Variants in SLC9A9 observed in about 807,000 individuals in gnomAD.
The protein encoded by SLC9A9 is sodium/hydrogen exchanger 9.
In SLC9A9, 62 loss-of-function variants were observed where a neutral mutation model predicts 77.8. The observed-to-expected ratio is 0.80, with a 90% CI of 0.65 to 0.98. SLC9A9 has a LOEUF of 0.98. SLC9A9 is among the 50% of genes least tolerant of loss of function. The pLI is 0.00. For synonymous variants in SLC9A9, 320 were observed against 283.5 expected, an observed-to-expected ratio of 1.13 and a Z score of -1.29; for missense variants, 775 against 774.9, an observed-to-expected ratio of 1.00 and a Z score of 0.00.
intron 12 of SLC9A9, among the ~76,000 whole-genome samples, chr3:143,446,923 CAT>C (rs1475727871): frequency 2.6e-5 from 4 of 151,176 alleles, no homozygotes; most frequent in Admixed American, 6.6e-5. Flanking sequence ...TGCACACAAT[CAT>C]ATGTGTATGT....
At chr3:143,340,433 C>A (rs954230038) in intron 14 of SLC9A9, among the ~76,000 whole-genome samples, 6 of 152,164 alleles carry the variant, frequency 3.9e-5, no homozygotes, top group African/African-American at 1.4e-4. Context: ...CTGCTTTGTG[C>A]CAGGCACAGT....
At chr3:143,316,327 C>T (rs2031212360) in intron 14 of SLC9A9, among the ~76,000 whole-genome samples, 2 of 152,182 alleles carry the variant, frequency 1.3e-5, no homozygotes, top group Admixed American at 6.5e-5. Flanking sequence ...ACGGCATAAT[C>T]TCTGCCCTCA....
chr3:143,766,766 G>A (rs2007332906), intron 4 of SLC9A9, among the ~76,000 whole-genome samples: 1 of 152,066 alleles, frequency 6.6e-6, no homozygotes, highest in Non-Finnish European at 1.5e-5. Context: ...TAGAGACGGG[G>A]TTTCCCTATG....
At chr3:143,767,277 A>G (rs756200167) in intron 4 of SLC9A9, among the ~76,000 whole-genome samples, 6 of 152,064 alleles carry the variant, frequency 3.9e-5, no homozygotes, top group Non-Finnish European at 7.4e-5. Context: ...TGAATTTCCC[A>G]TACTGAGTAA....
At chr3:143,317,981 C>T (rs2031282753) in intron 14 of SLC9A9, among the ~76,000 whole-genome samples, 1 of 152,188 alleles carries the variant, frequency 6.6e-6, no homozygotes, top group Non-Finnish European at 1.5e-5. Flanking sequence ...CCCACCTTGG[C>T]CTCCCAAAGT....
In SLC9A9 at chr3:143,592,087, A is replaced by G. The variant is rs563783755; in HGVS notation, c.756-13364T>C. Among the ~76,000 whole-genome samples, 5 of 152,362 alleles carry G rather than the reference A, an allele frequency of 3.3e-5. No homozygotes were observed. The East Asian group carries it at 9.6e-4, about 29-fold the overall frequency. On this transcript the variant is annotated intron_variant, in intron 6 of 15. Transcript: ENST00000316549. ...TTCTCTATGTGGTCCATGACCCCCCAAAAGGTTAAAAACCACTGAAGTAGT... is the reference window on the plus strand; with the variant it reads ...TTCTCTATGTGGTCCATGACCCCCCGAAAGGTTAAAAACCACTGAAGTAGT...
chr3:143,643,450 A>C (rs1432744575), intron 6 of SLC9A9, among the ~76,000 whole-genome samples: 1 of 152,232 alleles, frequency 6.6e-6, no homozygotes, highest in Admixed American at 6.5e-5. Context: ...TATTACCATG[A>C]GTGAACCTTT....
At chr3:143,623,126 G>C (rs952510363) in intron 6 of SLC9A9, among the ~76,000 whole-genome samples, 7 of 152,112 alleles carry the variant, frequency 4.6e-5, no homozygotes, top group Non-Finnish European at 1.0e-4. Flanking sequence ...AGTCCTTAGA[G>C]ACCTACAAAG....
intron 8 of SLC9A9, among the ~76,000 whole-genome samples, chr3:143,563,490 G>T (rs1402605641): frequency 6.6e-6 from 1 of 152,138 alleles, no homozygotes; most frequent in African/African-American, 2.4e-5. Flanking sequence ...CAGACACTTT[G>T]CTAGTTTGAT....
chr3:143,587,183 T>C (rs2037555177), intron 6 of SLC9A9, among the ~76,000 whole-genome samples: 1 of 152,230 alleles, frequency 6.6e-6, no homozygotes, highest in South Asian at 2.1e-4. Context: ...ATTCATTCCA[T>C]CCACAAATAT....
At chr3:143,800,460 C>T (rs183184504) in intron 2 of SLC9A9, among the ~76,000 whole-genome samples, 1 of 152,296 alleles carries the variant, frequency 6.6e-6, no homozygotes, top group African/African-American at 2.4e-5. Flanking sequence ...ACTTATCCAC[C>T]CCGTGGTGCC....
chr3:143,595,309 A>T (rs181071177), intron 6 of SLC9A9, among the ~76,000 whole-genome samples: 1 of 152,216 alleles, frequency 6.6e-6, no homozygotes, highest in South Asian at 2.1e-4. Flanking sequence ...AAAATTAATT[A>T]TACTAAGATG....
At chr3:143,401,243 C>G (rs2033849837) in intron 12 of SLC9A9, among the ~76,000 whole-genome samples, 1 of 152,140 alleles carries the variant, frequency 6.6e-6, no homozygotes, top group East Asian at 1.9e-4. Context: ...CTATCAAAGC[C>G]TCAGCTCCTT....
intron 13 of SLC9A9, among the ~76,000 whole-genome samples, chr3:143,378,510 C>T (rs566038442): frequency 2.6e-5 from 4 of 152,204 alleles, no homozygotes; most frequent in Admixed American, 2.0e-4. Flanking sequence ...TAGCTAGTGC[C>T]CAACGAATAT....
At chr3:143,531,345 A>G (rs917986164) in intron 9 of SLC9A9, among the ~76,000 whole-genome samples, 3 of 152,214 alleles carry the variant, frequency 2.0e-5, no homozygotes, top group African/African-American at 7.2e-5. Context: ...CCTGGTGAAT[A>G]GAGCTGAATT....
At chr3:143,600,401 T>C (rs2037827577) in intron 6 of SLC9A9, among the ~76,000 whole-genome samples, 1 of 152,194 alleles carries the variant, frequency 6.6e-6, no homozygotes, top group African/African-American at 2.4e-5. Flanking sequence ...AGAAAGGATG[T>C]TTTGCTATCT....
chr3:143,844,258 A>G (rs529364537), intron 1 of SLC9A9, among the ~76,000 whole-genome samples: 84 of 152,224 alleles, frequency 5.5e-4, no homozygotes, highest in African/African-American at 2.0e-3. Flanking sequence ...CTGCTTGATC[A>G]CTTTTCTCTG....
intron 14 of SLC9A9, among the ~76,000 whole-genome samples, chr3:143,357,709 T>C (rs962466099): frequency 2.6e-5 from 4 of 152,156 alleles, no homozygotes; most frequent in Non-Finnish European, 5.9e-5. Flanking sequence ...ATCAGTAACC[T>C]TGGATGTGCC....
At chr3:143,446,948 G>A (rs1421939446) in intron 12 of SLC9A9, among the ~76,000 whole-genome samples, 2 of 152,114 alleles carry the variant, frequency 1.3e-5, no homozygotes, top group African/African-American at 2.4e-5. Flanking sequence ...TCACATGCAT[G>A]TTTAGAAGAG....
Sources: gnomAD v4.1 joint callset for allele counts (sites outside exome capture counted in the v4.1 genomes callset) on GRCh38, gnomAD v4.1.1 for gene constraint, MANE v1.5 for transcripts, NCBI Gene and HGNC (gene_info 2026-07-23, HGNC 2026-07-21) for gene names.